LNPEP: variants seen among roughly 807,000 people sequenced by gnomAD.
LNPEP encodes the protein leucyl and cystinyl aminopeptidase, also known as leucyl-cystinyl aminopeptidase.
LNPEP carries 64 observed loss-of-function variants against 120.6 expected under a neutral mutation model. The observed-to-expected ratio is 0.53, with a 90% CI of 0.43 to 0.65. The LOEUF is 0.65. Among genes scored for constraint, LNPEP ranks in the 30% least tolerant of loss-of-function variants. The pLI is 0.00. For synonymous variants in LNPEP, 435 were observed against 425.4 expected (o/e 1.02, Z -0.28); for missense variants, 1,057 against 1,200.0 (o/e 0.88, Z 1.76).
intron 1 of LNPEP, among the ~76,000 whole-genome samples, chr5:96,965,081 G>C (rs1347221418): frequency 2.0e-5 from 3 of 152,006 alleles, no homozygotes; most frequent in Admixed American, 2.0e-4. Flanking sequence ...TTTATGTTGG[G>C]AACATTCCAA....
At chr5:97,023,548 C>T (rs1791266433) in intron 14 of LNPEP, among the ~76,000 whole-genome samples, 1 of 152,206 alleles carries the variant, frequency 6.6e-6, no homozygotes, top group South Asian at 2.1e-4. Flanking sequence ...GCCACCATAC[C>T]TGGCTAAAAT....
intron 13 of LNPEP, among the ~76,000 whole-genome samples, chr5:97,020,132 T>A (rs543688298): frequency 6.6e-6 from 1 of 152,354 alleles, no homozygotes; most frequent in East Asian, 1.9e-4. Context: ...TTTTTTTCTA[T>A]TCTCATATTC....
At chr5:96,988,349 T>TTTG (rs1790291820) in intron 4 of LNPEP, among the ~76,000 whole-genome samples, 1 of 148,126 alleles carries the variant, frequency 6.8e-6, no homozygotes, top group South Asian at 2.1e-4. Flanking sequence ...CTTTTTTTTT[T>TTTG]TTTTTTGAGA....
At chr5:96,955,341 G>A (rs896964777) in intron 1 of LNPEP, among the ~76,000 whole-genome samples, 1 of 151,974 alleles carries the variant, frequency 6.6e-6, no homozygotes, top group African/African-American at 2.4e-5. Context: ...AGGGCTGGAC[G>A]CGGTGGCTCA....
intron 6 of LNPEP, among the ~76,000 whole-genome samples, chr5:96,995,068 A>G (rs968527733): frequency 7.8e-4 from 119 of 152,286 alleles, no homozygotes; most frequent in African/African-American, 2.7e-3. Context: ...AGTTTGCACC[A>G]GTGCACTCCC....
chr5:96,950,314 A>G (rs7715183), intron 1 of LNPEP, among the ~76,000 whole-genome samples: 3,990 of 152,234 alleles, frequency 0.026, 175 homozygotes, highest in African/African-American at 0.092. Flanking sequence ...AATTAAATCA[A>G]TTTCTCTTCC....
intron 3 of LNPEP, among the ~76,000 whole-genome samples, chr5:96,986,109 A>G (rs540335459): frequency 6.6e-6 from 1 of 152,214 alleles, no homozygotes; most frequent in African/African-American, 2.4e-5. Context: ...GGGGGTCCTC[A>G]ACATGGCACC....
rs950239814 is a variant in LNPEP, at chr5:97,035,306, A to C, written c.*6773A>C. On this transcript the variant is annotated 3_prime_UTR_variant, in exon 18 of 18. Transcript: ENST00000231368. ...CATGGATATATAGGTACCTAATGAAAATCGAGGATCAGTGTATGACAAATC... is the reference window on the plus strand; with the variant it reads ...CATGGATATATAGGTACCTAATGAACATCGAGGATCAGTGTATGACAAATC... The C allele has an allele frequency of 6.6e-6, 1 of 152,090 alleles. No homozygotes were observed. Among genetic ancestry groups the C allele is most frequent in the Non-Finnish European group, 1.5e-5 (1 of 68,000 alleles). 9.4% of individuals were successfully genotyped at this position (152,090 alleles called of 1,614,324 possible).
rs557356195 is a variant in LNPEP at position 96,939,205 on chromosome 5, A to G, written c.19+3031A>G. ...ATATATGAAATACATACTAGAAAGT[A>G]TGTATACTTTCTTTTTTTTTTTTTT... On this transcript the variant is annotated intron_variant, in intron 1 of 17. Transcript: ENST00000231368. 1.6e-3 allele frequency among the ~76,000 whole-genome samples: 233 copies of G among 147,514 alleles called. 10 individuals carry two copies. The South Asian group carries it at 0.047, about 30-fold the overall frequency.
chr5:97,028,882 A>C lies in LNPEP; in HGVS notation c.*349A>C, dbSNP rs1791412266. The C allele has an allele frequency of 5.2e-6, 1 of 193,104 alleles. No individual in the cohort carries two copies. Among genetic ancestry groups the C allele is most frequent in the Non-Finnish European group, 1.1e-5 (1 of 94,780 alleles). 12.0% of individuals were successfully genotyped at this position (193,104 alleles called of 1,614,324 possible). On this transcript the variant is annotated 3_prime_UTR_variant, in exon 18 of 18. Transcript: ENST00000231368. ...AGAAAGTTACTGACACAGTAAAACAAGGAAAGTTCTACCCTAAGAGCCGCC... is the reference window on the plus strand; with the variant it reads ...AGAAAGTTACTGACACAGTAAAACACGGAAAGTTCTACCCTAAGAGCCGCC...
chr5:97,028,644 A>T lies in LNPEP; in HGVS notation c.*111A>T, dbSNP rs1024516793. The T allele has an allele frequency of 3.5e-6, 4 of 1,140,272 alleles. No individual in the cohort carries two copies. Among genetic ancestry groups the T allele is most frequent in the Non-Finnish European group, 5.1e-6 (4 of 785,906 alleles). The allele number at this position is 1,140,272 out of a possible 1,614,324, so 70.6% of individuals were successfully genotyped here. A position where few individuals can be genotyped will look rare whatever the true frequency, so the allele number is the denominator to read the frequency against. On this transcript the variant is annotated 3_prime_UTR_variant, in exon 18 of 18. Transcript: ENST00000231368. The stretch of plus-strand genomic sequence containing the variant: ...CCAGGATCGCTGCCAAGTTGTTTGC[A>T]CTCTTTGGAGTTCTAGTTAGCTCAG...
chr5:96,953,877 G>A (rs1789379618), intron 1 of LNPEP, among the ~76,000 whole-genome samples: 1 of 152,184 alleles, frequency 6.6e-6, no homozygotes, highest in Non-Finnish European at 1.5e-5. Context: ...TAATGCAAAG[G>A]TTATTTTTGA....
intron 2 of LNPEP, among the ~76,000 whole-genome samples, chr5:96,984,526 A>C (rs1218555212): frequency 6.6e-6 from 1 of 152,032 alleles, no homozygotes; most frequent in Non-Finnish European, 1.5e-5. Flanking sequence ...CCTCCAATAA[A>C]ACTTATTTAA....
At chr5:97,017,699 TATG>T (rs1281525118) in intron 13 of LNPEP, among the ~76,000 whole-genome samples, 1 of 152,270 alleles carries the variant, frequency 6.6e-6, no homozygotes, top group East Asian at 1.9e-4. Flanking sequence ...AGGTAATTAG[TATG>T]ATATCAACAC....
At chr5:96,958,893 A>G (rs1359960547) in intron 1 of LNPEP, 2 of 136,168 alleles carry the variant, frequency 1.5e-5, no homozygotes, top group East Asian at 4.3e-4. Context: ...CACTGGCACG[A>G]TCTCGGCTCA....
intron 1 of LNPEP, among the ~76,000 whole-genome samples, chr5:96,954,037 T>C (rs1175862395): frequency 6.6e-6 from 1 of 152,208 alleles, no homozygotes; most frequent in East Asian, 1.9e-4. Flanking sequence ...TATTAATCTG[T>C]CCACAGCAGC....
intron 15 of LNPEP, among the ~76,000 whole-genome samples, chr5:97,025,249 G>A (rs1791311767): frequency 6.6e-6 from 1 of 152,146 alleles, no homozygotes; most frequent in Non-Finnish European, 1.5e-5. Context: ...GAATATAGAG[G>A]TATCTGCTGT....
Position 97,035,658 on chromosome 5 carries a change from A to G in LNPEP, c.*7125A>G, listed in dbSNP as rs1014636479. 6.6e-6 allele frequency: 1 copy of G among 151,482 alleles called. No individual in the cohort carries two copies. Among genetic ancestry groups the G allele is most frequent in the Non-Finnish European group, 1.5e-5 (1 of 67,766 alleles). The allele number at this position is 151,482 out of a possible 1,614,324, so 9.4% of individuals were successfully genotyped here. The stretch of plus-strand genomic sequence containing the variant: ...GATGCAAGTGTGTAGATGCATATAT[A>G]TCATTTGCTTCTTTCTTCCGCCATT... On this transcript the variant is annotated 3_prime_UTR_variant, in exon 18 of 18. Coordinates refer to ENST00000231368, the MANE Select transcript of LNPEP (RefSeq NM_005575.3).
rs866549186 is a variant in LNPEP, at chr5:97,015,650, T to G, written c.2376+555T>G. On this transcript the variant is annotated intron_variant, in intron 13 of 17. Transcript: ENST00000231368. Reference sequence around the variant, plus strand: ...TTGTTATTTTGGATACTTTTAATATTAAACTGTTGAGAGACTTTAAAAGCT... The same window carrying G: ...TTGTTATTTTGGATACTTTTAATATGAAACTGTTGAGAGACTTTAAAAGCT... Among the ~76,000 whole-genome samples the G allele has an allele frequency of 2.0e-5, 3 of 152,140 alleles. No individual in the cohort carries two copies. In the South Asian group the frequency reaches 6.2e-4, roughly 31 times the overall value.
Sources: allele counts gnomAD v4.1 joint callset (sites outside exome capture counted in the v4.1 genomes callset), GRCh38; gene constraint gnomAD v4.1.1; transcripts MANE v1.5; gene names NCBI Gene and HGNC (gene_info 2026-07-23, HGNC 2026-07-21).